PRRC2C: variants seen among roughly 807,000 people sequenced by gnomAD.
PRRC2C encodes protein PRRC2C.
PRRC2C carries 72 observed loss-of-function variants against 317.2 expected under a neutral mutation model. That is an observed-to-expected ratio of 0.23 (90% CI 0.19 to 0.28). The LOEUF is 0.28. PRRC2C is among the 10% of genes least tolerant of loss of function. PRRC2C has a pLI of 1.00. For synonymous variants in PRRC2C, 1,296 were observed against 1,205.9 expected (o/e 1.07, Z -1.55); for missense variants, 3,074 against 3,459.7 (o/e 0.89, Z 2.80).
At chr1:171,488,016 TCCAGCCC>T (rs1666444177) in intron 1 of PRRC2C, among the ~76,000 whole-genome samples, 1 of 52,896 alleles carries the variant, frequency 1.9e-5, no homozygotes, top group Non-Finnish European at 4.3e-5. Flanking sequence ...TCTGGCTCAT[TCCAGCCC>T]CCTCTCTTCT....
chr1:171,491,779 A>G (rs946833695), intron 1 of PRRC2C, among the ~76,000 whole-genome samples: 2 of 152,212 alleles, frequency 1.3e-5, no homozygotes, highest in African/African-American at 2.4e-5. Context: ...ATCATATTTC[A>G]AAGAAGAGTG....
At chr1:171,574,431 T>C (rs976354235) in intron 24 of PRRC2C, among the ~76,000 whole-genome samples, 3 of 152,014 alleles carry the variant, frequency 2.0e-5, no homozygotes, top group Admixed American at 6.6e-5. Flanking sequence ...AAACCAGGGG[T>C]CATAAATGCA....
chr1:171,591,393 TCACA>T, intron 34 of PRRC2C, 190 bp from the exon 35 acceptor site: 1 of 335,436 alleles, frequency 3.0e-6, no homozygotes, highest in African/African-American at 2.3e-5. Context: ...TTTTTTTAAA[TCACA>T]TGAAATATTT....
intron 25 of PRRC2C, 62 bp from the exon 26 acceptor site, chr1:171,577,372 G>T: frequency 7.1e-7 from 1 of 1,410,616 alleles, no homozygotes; most frequent in South Asian, 1.2e-5. Context: ...TTGGTACTGT[G>T]AACAATAGCA....
intron 17 of PRRC2C, among the ~76,000 whole-genome samples, chr1:171,548,118 A>G (rs1679514326): frequency 6.6e-6 from 1 of 151,962 alleles, no homozygotes; most frequent in Middle Eastern, 3.2e-3. Flanking sequence ...GGCGCGCACC[A>G]CTATTCCCAG....
chr1:171,516,821 G>T (rs1020090495), intron 5 of PRRC2C, among the ~76,000 whole-genome samples: 1 of 151,958 alleles, frequency 6.6e-6, no homozygotes, highest in Non-Finnish European at 1.5e-5. Context: ...TAGTTTCATG[G>T]TCTCTTAGTG....
intron 1 of PRRC2C, among the ~76,000 whole-genome samples, chr1:171,506,687 T>TTGTGTGTGTGTGTGTGTG (rs34060083): frequency 7.3e-6 from 1 of 136,604 alleles, no homozygotes; most frequent in African/African-American, 2.8e-5. Flanking sequence ...TTTTTTTTCT[T>TTGTGTGTGTGTGTGTGTG]TGTGTGTGTG....
intron 11 of PRRC2C, among the ~76,000 whole-genome samples, chr1:171,530,339 G>A (rs1675577558): frequency 6.7e-6 from 1 of 149,800 alleles, no homozygotes; most frequent in African/African-American, 2.5e-5. Flanking sequence ...AACCTCCTGG[G>A]CTCAAGCGAT....
chr1:171,515,342 C>T (rs1460983877), intron 4 of PRRC2C, among the ~76,000 whole-genome samples: 1 of 152,208 alleles, frequency 6.6e-6, no homozygotes, highest in African/African-American at 2.4e-5. Flanking sequence ...TTAGCCTCAT[C>T]TTGATCTTGG....
intron 24 of PRRC2C, 21 bp from the exon 25 acceptor site, chr1:171,574,906 A>G: frequency 6.2e-7 from 1 of 1,607,630 alleles, no homozygotes. Flanking sequence ...TTTTTACTAT[A>G]AAATGTCCGT....
chr1:171,540,222 G>A lies in PRRC2C; in HGVS notation c.2756G>A (p.Ser919Asn). The stretch of plus-strand genomic sequence containing the variant: ...GAGGAGCGGATTTCAGCTGTAGAAA[G>A]TCAGCCTTCCCGGAAAAGAAGTGTT... ...PQEERISAVESQPSRKRSVSH... is the reference protein window; with the variant it reads ...PQEERISAVENQPSRKRSVSH... Residue 919 changes from serine to asparagine, a missense_variant, in exon 16 of 35, where the codon AGT (serine) becomes AAT (asparagine). Physicochemically the swap from Ser to Asn is conservative, Grantham distance 46 (BLOSUM62 1). Around this residue, in one of 11 missense-constraint regions of PRRC2C, gnomAD observed 1,320 missense variants for 1,395.7 expected, o/e 0.95. Coordinates refer to ENST00000647382, the MANE Select transcript of PRRC2C (RefSeq NM_001387844.1). 1.2e-6 allele frequency: 2 copies of A among 1,613,912 alleles called. No homozygotes were observed. The highest frequency in any genetic ancestry group is 1.1e-5 in the South Asian group (1 of 91,068).
chr1:171,548,799 C>T (rs372616134), intron 17 of PRRC2C, among the ~76,000 whole-genome samples: 7 of 152,148 alleles, frequency 4.6e-5, no homozygotes, highest in South Asian at 4.1e-4. Flanking sequence ...TATGTGTTCA[C>T]CTATGCCATC....
chr1:171,501,744 CTG>C (rs887658553), intron 1 of PRRC2C, among the ~76,000 whole-genome samples: 3 of 152,110 alleles, frequency 2.0e-5, no homozygotes, highest in African/African-American at 7.2e-5. Context: ...TCCTCTATAA[CTG>C]TGTGGATGGG....
chr1:171,579,281 G>C, intron 26 of PRRC2C, 73 bp from the exon 27 acceptor site: 1 of 1,500,788 alleles, frequency 6.7e-7, no homozygotes, highest in South Asian at 1.3e-5. Context: ...ACAAAACTTG[G>C]TTTTTATTTA....
intron 6 of PRRC2C, among the ~76,000 whole-genome samples, chr1:171,519,513 G>C (rs923914381): frequency 6.6e-6 from 1 of 152,076 alleles, no homozygotes; most frequent in African/African-American, 2.4e-5. Context: ...TTTGGATTTT[G>C]TTGATACTAT....
chr1:171,559,833 T>G (rs562418152), intron 19 of PRRC2C, among the ~76,000 whole-genome samples: 1 of 152,132 alleles, frequency 6.6e-6, no homozygotes, highest in Non-Finnish European at 1.5e-5. Flanking sequence ...TACCTATTAT[T>G]TTTAAGCCCA....
In PRRC2C at chr1:171,544,269, G is replaced by A. The variant is rs1260113121; in HGVS notation, c.4764-1210G>A. On this transcript the variant is annotated intron_variant, in intron 16 of 34. Coordinates refer to ENST00000647382, the MANE Select transcript of PRRC2C (RefSeq NM_001387844.1). ...CTCTCTAGTAGCTGGGATTACAGGC[G>A]TACACTACCATGCCCGGCTAATTTT... Among the ~76,000 whole-genome samples, 5 of 152,208 alleles carry A rather than the reference G, an allele frequency of 3.3e-5. No individual in the cohort carries two copies. The East Asian group carries it at 5.8e-4, about 18-fold the overall frequency.
At chr1:171,577,755 A>G in intron 26 of PRRC2C, 118 bp downstream of exon 26, 1 of 728,020 alleles carries the variant, frequency 1.4e-6, no homozygotes, top group Non-Finnish European at 2.2e-6. Flanking sequence ...ACATTGCTGT[A>G]AATATTTAAA....
Position 171,536,107 on chromosome 1 carries a change from A to G in PRRC2C, c.2122A>G (p.Ser708Gly), listed in dbSNP as rs1676784055. ...LPQTVPSQPSSSTVPPPPHRP... is the reference protein window; with the variant it reads ...LPQTVPSQPSGSTVPPPPHRP... ...ACAGACTGTTCCTTCACAACCGTCC[A>G]GTAGTACTGTCCCTCCTCCACCACA... The change falls in exon 14 of 35, where the codon AGT becomes GGT. Residue 708 changes from serine to glycine, a missense_variant. Physicochemically the swap from Ser to Gly is moderately conservative, Grantham distance 56. Coordinates refer to ENST00000647382, the MANE Select transcript of PRRC2C (RefSeq NM_001387844.1). 6.4e-7 allele frequency: 1 copy of G among 1,566,788 alleles called. No individual in the cohort carries two copies. Among genetic ancestry groups the G allele is most frequent in the African/African-American group, 1.3e-5 (1 of 74,102 alleles).
Sources: gnomAD v4.1 joint callset for allele counts (sites outside exome capture counted in the v4.1 genomes callset) on GRCh38, gnomAD v4.1.1 for gene constraint, gnomAD v4.1.1 regional missense constraint, MANE v1.5 for transcripts, NCBI Gene and HGNC (gene_info 2026-07-23, HGNC 2026-07-21) for gene names.